HYCC2: variants seen among roughly 807,000 people sequenced by gnomAD.
The protein encoded by HYCC2 is hyccin PI4KA lipid kinase complex subunit 2.
At chr2:201,059,351 T>C in the HYCC2 span, among the ~76,000 whole-genome samples, 1 of 152,182 alleles carries the variant, frequency 6.6e-6, no homozygotes, top group Non-Finnish European at 1.5e-5. Context: ...ATCCATCTCT[T>C]ATACCTCTCA....
chr2:201,045,548 G>C, the HYCC2 span: 1 of 398,192 alleles, frequency 2.5e-6, no homozygotes, highest in African/African-American at 2.1e-5. Flanking sequence ...ATTCGGCAGA[G>C]TTCAAGTGGG....
the HYCC2 span, chr2:201,024,084 G>T: frequency 2.9e-6 from 3 of 1,045,454 alleles, no homozygotes; most frequent in Non-Finnish European, 4.4e-6. Flanking sequence ...GTACTTATAG[G>T]AACAACTAGA....
At chr2:201,017,015 T>C in the HYCC2 span, 2 of 1,613,206 alleles carry the variant, frequency 1.2e-6, no homozygotes, top group Admixed American at 3.4e-5. Context: ...CTAACAGAAG[T>C]GCTTCAATGC....
At chr2:201,056,337 G>A in the HYCC2 span, among the ~76,000 whole-genome samples, 1 of 152,176 alleles carries the variant, frequency 6.6e-6, no homozygotes, top group East Asian at 1.9e-4. Context: ...AGTTTTAAAT[G>A]GGGCCTAGGA....
At chr2:201,036,925 G>A in the HYCC2 span, among the ~76,000 whole-genome samples, 1 of 152,140 alleles carries the variant, frequency 6.6e-6, no homozygotes, top group South Asian at 2.1e-4. Flanking sequence ...GAAATAAAGG[G>A]TATTCAACTA....
the HYCC2 span, chr2:201,011,511 C>CAACCG: frequency 1.1e-6 from 1 of 935,598 alleles, no homozygotes; most frequent in Non-Finnish European, 1.5e-6. Context: ...GAAATAATCA[C>CAACCG]AGATCTACAC....
the HYCC2 span, chr2:200,992,939 C>A: frequency 3.7e-4 from 601 of 1,613,940 alleles, 2 homozygotes; most frequent in African/African-American, 7.1e-3. Flanking sequence ...GGATCCAATA[C>A]TATTCGACCA....
chr2:201,042,366 C>T, the HYCC2 span, among the ~76,000 whole-genome samples: 1 of 152,144 alleles, frequency 6.6e-6, no homozygotes. Context: ...GCAGCCTCTG[C>T]CCGGCCGCCA....
the HYCC2 span, among the ~76,000 whole-genome samples, chr2:201,044,392 G>A: frequency 7.9e-5 from 12 of 152,276 alleles, no homozygotes; most frequent in South Asian, 2.5e-3. Flanking sequence ...GATGGTAATG[G>A]CAACCTTTAT....
the HYCC2 span, among the ~76,000 whole-genome samples, chr2:201,047,522 TA>T: frequency 6.7e-6 from 1 of 150,316 alleles, no homozygotes; most frequent in Non-Finnish European, 1.5e-5. Flanking sequence ...ATAAATGCAA[TA>T]TTCTAAGAAA....
the HYCC2 span, among the ~76,000 whole-genome samples, chr2:201,064,697 G>A: frequency 4.6e-5 from 7 of 152,268 alleles, no homozygotes; most frequent in Non-Finnish European, 7.4e-5. Context: ...AATTATAGAT[G>A]GGAATGAAGC....
the HYCC2 span, among the ~76,000 whole-genome samples, chr2:201,050,651 T>C: frequency 6.6e-6 from 1 of 150,568 alleles, no homozygotes; most frequent in Admixed American, 6.6e-5. Context: ...ACCATTATAA[T>C]AGCCAGACAC....
the HYCC2 span, among the ~76,000 whole-genome samples, chr2:201,036,142 G>T: frequency 2.0e-5 from 3 of 152,154 alleles, no homozygotes; most frequent in Non-Finnish European, 4.4e-5. Context: ...AGAAAATCTA[G>T]AAGAAATGGA....
chr2:201,068,953 G>A, the HYCC2 span, among the ~76,000 whole-genome samples: 5 of 151,924 alleles, frequency 3.3e-5, no homozygotes, highest in South Asian at 2.1e-4. Context: ...GACGATGACA[G>A]ACAAAAAAAT....
chr2:200,994,803 C>T, the HYCC2 span, among the ~76,000 whole-genome samples: 1 of 152,012 alleles, frequency 6.6e-6, no homozygotes, highest in African/African-American at 2.4e-5. Context: ...GAGTTCAAGA[C>T]CAGCCTGGAC....
the HYCC2 span, among the ~76,000 whole-genome samples, chr2:201,068,404 A>G: frequency 6.6e-6 from 1 of 152,210 alleles, no homozygotes; most frequent in Non-Finnish European, 1.5e-5. Context: ...AGCTGAAACT[A>G]CTGTTACTGC....
the HYCC2 span, among the ~76,000 whole-genome samples, chr2:201,033,951 T>C: frequency 1.3e-5 from 2 of 151,404 alleles, no homozygotes; most frequent in Admixed American, 6.6e-5. Flanking sequence ...GTCCCTCAAG[T>C]AATCCTGATG....
At chr2:200,997,591 T>C in the HYCC2 span, 2 of 1,149,370 alleles carry the variant, frequency 1.7e-6, no homozygotes, top group Admixed American at 1.7e-5. Context: ...TTACTTCTAC[T>C]AGCAACTGGT....
At chr2:201,008,149 A>G in the HYCC2 span, among the ~76,000 whole-genome samples, 6 of 152,222 alleles carry the variant, frequency 3.9e-5, no homozygotes, top group African/African-American at 1.4e-4. Flanking sequence ...TCAATTAGTC[A>G]GAAGTGAGGG....
Sources: gnomAD v4.1 joint callset for allele counts (sites outside exome capture counted in the v4.1 genomes callset) on GRCh38, gnomAD v4.1.1 for gene constraint, MANE v1.5 for transcripts, NCBI Gene and HGNC (gene_info 2026-07-23, HGNC 2026-07-21) for gene names.